MYO15A: variants seen among roughly 807,000 people sequenced by gnomAD.
MYO15A encodes the protein myosin XVA.
MYO15A carries 308 observed loss-of-function variants against 394.6 expected under a neutral mutation model. The observed-to-expected ratio is 0.78, with a 90% CI of 0.71 to 0.86. The LOEUF (loss-of-function observed/expected upper bound fraction) is 0.86, where lower values mean the gene tolerates loss of function less well. Ranked by LOEUF, MYO15A falls within the 40% of genes least tolerant of loss-of-function variation. The pLI, the probability that MYO15A is intolerant of heterozygous loss-of-function variation, is 0.00. For missense variants in MYO15A, 4,606 were observed against 4,799.1 expected, an observed-to-expected ratio of 0.96 and a Z score of 1.19; for synonymous variants, 1,957 against 2,003.8, an observed-to-expected ratio of 0.98 and a Z score of 0.62.
At position 18,155,091 on chromosome 17, in the gene MYO15A, C is replaced by G. The variant is rs1267523316; in HGVS notation, c.8225-19C>G. 3.7e-6 allele frequency: 6 copies of G among 1,607,396 alleles called. No individual in the cohort carries two copies. On this transcript the variant is annotated intron_variant, in intron 45 of 65. Transcript: ENST00000647165. ...AGGGGAGTGGGGAGAGGGTCCTGAC[C>G]AGACCTGGCCTCCCATAGCCCAGAA...
At chr17:18,175,717 C>A (rs1874536538) in intron 65 of MYO15A, among the ~76,000 whole-genome samples, 1 of 152,194 alleles carries the variant, frequency 6.6e-6, no homozygotes, top group Non-Finnish European at 1.5e-5. Context: ...CCTGCCCAGA[C>A]TACCTGAGCT....
intron 1 of MYO15A, among the ~76,000 whole-genome samples, chr17:18,113,697 G>A (rs1212730844): frequency 4.0e-5 from 6 of 150,652 alleles, no homozygotes; most frequent in African/African-American, 9.8e-5. Flanking sequence ...AGCTGAGATC[G>A]CATCACTGCT....
Position 18,159,968 on chromosome 17 carries a change from T to C in MYO15A, c.9337T>C (p.Cys3113Arg), listed in dbSNP as rs1256740226. ...GGACCATGAGGTCATGCGGGATGAA[T>C]GTTACTGCCAAGTTGTGAAGCAGAT... ...CGDHEVMRDE[C>R]YCQVVKQITD... Residue 3113 changes from cysteine to arginine, a missense_variant, in exon 56 of 66, where the codon TGT becomes CGT. This residue lies in a region of MYO15A where 2,776 missense variants were observed against 3,109.3 expected (regional missense o/e 0.89). Coordinates refer to ENST00000647165, the MANE Select transcript of MYO15A (RefSeq NM_016239.4). 4 of 1,613,948 alleles carry C rather than the reference T, an allele frequency of 2.5e-6. No homozygotes were observed. The highest frequency in any genetic ancestry group is 1.3e-5 in the African/African-American group (1 of 74,904).
Position 18,144,006 on chromosome 17 carries a change from G to A in MYO15A, c.6177+6G>A. 1.2e-6 allele frequency: 2 copies of A among 1,613,430 alleles called. No homozygotes were observed. The highest frequency in any genetic ancestry group is 1.7e-6 in the Non-Finnish European group (2 of 1,180,000). ...TTGTCCAGTGCCACTTCAAGGTAAG[G>A]GCTAGCTGAAGTCCAAGGCTCCCTG... On this transcript the variant is annotated splice_donor_region_variant and intron_variant, in intron 28 of 65. Transcript: ENST00000647165.
chr17:18,144,502 T>G lies in MYO15A; in HGVS notation c.6183T>G (p.Pro2061=). The part of the protein sequence containing the change: ...AKFVQCHFKE[P]AFGMLTVPLR... ...GTGCCTGCCCTGTGTCTTAGGAACC[T>G]GCCTTTGGGATGCTGACAGTGCCCC... Residue 2061 remains proline (P), a synonymous_variant, in exon 29 of 66, where the codon CCT becomes CCG. Transcript: ENST00000647165. The G allele has an allele frequency of 6.2e-7, 1 of 1,613,352 alleles. No individual in the cohort carries two copies. The highest frequency in any genetic ancestry group is 1.1e-5 in the South Asian group (1 of 91,086).
At chr17:18,158,221 T>G (rs1597810636) in intron 51 of MYO15A, 2 of 583,774 alleles carry the variant, frequency 3.4e-6, no homozygotes, top group Non-Finnish European at 3.0e-6. Context: ...CGGTGCCAGG[T>G]GAGTGGGCGG....
intron 7 of MYO15A, 148 bp from the exon 8 acceptor site, chr17:18,130,657 C>T: frequency 7.3e-7 from 1 of 1,370,390 alleles, no homozygotes; most frequent in Non-Finnish European, 1.0e-6. Flanking sequence ...AGCCTGGACC[C>T]CTGGGGTCTC....
At chr17:18,151,608 T>A in intron 40 of MYO15A, 81 bp downstream of exon 40, 5 of 1,562,590 alleles carry the variant, frequency 3.2e-6, no homozygotes, top group Non-Finnish European at 4.4e-6. Context: ...CTTACTGGGT[T>A]GAAGCGCCCT....
chr17:18,149,969 AAAG>A (rs1031033837), intron 35 of MYO15A: 5 of 311,636 alleles, frequency 1.6e-5, no homozygotes, highest in East Asian at 7.4e-5. Context: ...AAAAAAAAAA[AAAG>A]AAAGGGAAGA....
At position 18,127,172 on chromosome 17, in the gene MYO15A, C is replaced by T. The variant is rs776445855; in HGVS notation, c.4032+7C>T. ...ACGGGAGGTCATGCAGCAGGTGAGTCTACCTGTCTCCCCAGGACCCTAGGC... is the reference window on the plus strand; with the variant it reads ...ACGGGAGGTCATGCAGCAGGTGAGTTTACCTGTCTCCCCAGGACCCTAGGC... On this transcript the variant is annotated splice_region_variant and intron_variant, in intron 7 of 65. Coordinates refer to ENST00000647165, the MANE Select transcript of MYO15A (RefSeq NM_016239.4). The T allele has an allele frequency of 6.0e-5, 97 of 1,613,052 alleles. No individual in the cohort carries two copies. Among genetic ancestry groups the T allele is most frequent in the Non-Finnish European group, 8.1e-5 (95 of 1,179,796 alleles).
chr17:18,148,701 C>T lies in MYO15A; in HGVS notation c.6765-60C>T. 1 of 1,552,248 alleles carries T rather than the reference C, an allele frequency of 6.4e-7. No individual in the cohort carries two copies. Among genetic ancestry groups the T allele is most frequent in the Non-Finnish European group, 8.7e-7 (1 of 1,147,174 alleles). On this transcript the variant is annotated intron_variant, in intron 32 of 65. Coordinates refer to ENST00000647165, the MANE Select transcript of MYO15A (RefSeq NM_016239.4). This position sits in a 1 kb window ranked among gnomAD's most constrained non-coding sequence, Gnocchi z 4.8. ...GGGTCTGGCTTATAACCCAGGATCT[C>T]CCCAGGTAGTGCCTGATGACTCTGT...
intron 56 of MYO15A, 171 bp from the exon 57 acceptor site, chr17:18,161,146 C>T: frequency 9.3e-7 from 1 of 1,080,756 alleles, no homozygotes; most frequent in Non-Finnish European, 1.4e-6. Context: ...ATCCCCAATC[C>T]TGACTTCCCA....
intron 3 of MYO15A, chr17:18,124,808 TCA>T: frequency 1.7e-6 from 1 of 590,598 alleles, no homozygotes; most frequent in Non-Finnish European, 3.0e-6. Context: ...TCTCTGCACC[TCA>T]GTTTCTCATC....
chr17:18,144,294 G>A (rs1206131409), intron 28 of MYO15A, among the ~76,000 whole-genome samples: 1 of 152,176 alleles, frequency 6.6e-6, no homozygotes, highest in African/African-American at 2.4e-5. Flanking sequence ...CTCCCCTTGA[G>A]ATGAAGGTTT....
intron 35 of MYO15A, 198 bp downstream of exon 35, chr17:18,149,778 A>G: frequency 1.5e-6 from 1 of 648,472 alleles, no homozygotes; most frequent in Admixed American, 2.2e-5. Flanking sequence ...CTGATCCTGG[A>G]AGGACCCACA....
chr17:18,157,776 T>A lies in MYO15A; in HGVS notation c.8843T>A (p.Val2948Glu). Residue 2948 changes from valine to glutamate, a missense_variant, in exon 51 of 66, where the codon GTG becomes GAG. Around this residue, in one of 2 missense-constraint regions of MYO15A, gnomAD observed 2,776 missense variants for 3,109.3 expected, o/e 0.89. Coordinates refer to ENST00000647165, the MANE Select transcript of MYO15A (RefSeq NM_016239.4). ...GTGGGCCGCTTCCCTTCGGAGCTGG[T>A]GCAGCCCGCTGCTGCCCCCGACTTC... Reference protein sequence around the residue: ...GRVGRFPSELVQPAAAPDFLQ... With the variant: ...GRVGRFPSELEQPAAAPDFLQ... 1 of 1,604,870 alleles carries A rather than the reference T, an allele frequency of 6.2e-7. No homozygotes were observed. The highest frequency in any genetic ancestry group is 8.5e-7 in the Non-Finnish European group (1 of 1,179,638).
intron 34 of MYO15A, 46 bp downstream of exon 34, chr17:18,149,422 A>C: frequency 6.2e-7 from 1 of 1,613,250 alleles, no homozygotes; most frequent in African/African-American, 1.3e-5. Context: ...GGAGCCTTAG[A>C]GGCTGTGTGG....
intron 35 of MYO15A, 117 bp downstream of exon 35, chr17:18,149,697 T>C: frequency 1.9e-6 from 2 of 1,045,040 alleles, no homozygotes; most frequent in South Asian, 2.6e-5. Context: ...TGGGGTGGTG[T>C]GTCCCATCTG....
At chr17:18,125,708 CAAAAAAAAAAAAA>C (rs5819643) in intron 4 of MYO15A, 5 of 59,772 alleles carry the variant, frequency 8.4e-5, no homozygotes, top group African/African-American at 2.5e-4. Flanking sequence ...GACTCCATCT[CAAAAAAAAAAAAA>C]AAAAAAAAAA....
Sources: gnomAD v4.1 joint callset for allele counts (sites outside exome capture counted in the v4.1 genomes callset) on GRCh38, gnomAD v4.1.1 for gene constraint, gnomAD v4.1.1 regional missense constraint, Gnocchi (gnomAD v3.1) non-coding constraint, MANE v1.5 for transcripts, NCBI Gene and HGNC (gene_info 2026-07-23, HGNC 2026-07-21) for gene names.